VAV3: variants seen among roughly 807,000 people sequenced by gnomAD.
The protein encoded by VAV3 is guanine nucleotide exchange factor VAV3.
VAV3 carries 94 observed loss-of-function variants against 131.2 expected under a neutral mutation model. That is an observed-to-expected ratio of 0.72 (90% CI 0.61 to 0.85). The LOEUF is 0.85. Ranked by LOEUF, VAV3 falls within the 40% of genes least tolerant of loss-of-function variation. The pLI, the probability that VAV3 is intolerant of heterozygous loss-of-function variation, is 0.00. For synonymous variants in VAV3, 349 were observed against 342.0 expected (o/e 1.02, Z -0.22); for missense variants, 939 against 1,002.7 (o/e 0.94, Z 0.86).
chr1:107,664,122 T>A (rs550150580), intron 19 of VAV3, among the ~76,000 whole-genome samples: 1 of 152,330 alleles, frequency 6.6e-6, no homozygotes, highest in African/African-American at 2.4e-5. Flanking sequence ...CATTAGCTAT[T>A]ACATAATGTT....
intron 15 of VAV3, among the ~76,000 whole-genome samples, chr1:107,725,144 C>T (rs1364806164): frequency 2.0e-5 from 3 of 152,052 alleles, no homozygotes; most frequent in Non-Finnish European, 2.9e-5. Context: ...AGGGGCATGT[C>T]GGTTTAGAGA....
intron 26 of VAV3, among the ~76,000 whole-genome samples, chr1:107,573,822 C>T (rs1201691601): frequency 2.6e-5 from 4 of 152,208 alleles, no homozygotes; most frequent in Admixed American, 2.6e-4. Context: ...AGCTGTCCCA[C>T]TTGCCCAGGT....
At position 107,768,427 on chromosome 1, in the gene VAV3, A is replaced by G. The variant is rs781217511; in HGVS notation, c.717+14T>C. On this transcript the variant is annotated intron_variant, in intron 7 of 26. Transcript: ENST00000370056. Reference sequence around the variant, plus strand: ...GAAGTACACCACAATTTTAGCTAGCATATTTTTACTCACAGGAATGTTGAT... The same window carrying G: ...GAAGTACACCACAATTTTAGCTAGCGTATTTTTACTCACAGGAATGTTGAT... 6.2e-7 allele frequency: 1 copy of G among 1,605,978 alleles called. No individual in the cohort carries two copies. Among genetic ancestry groups the G allele is most frequent in the Non-Finnish European group, 8.5e-7 (1 of 1,174,854 alleles).
chr1:107,728,588 T>TGTATATGTATACGTATACGTATAC (rs1661996972), intron 15 of VAV3, among the ~76,000 whole-genome samples: 1 of 115,976 alleles, frequency 8.6e-6, no homozygotes, highest in Admixed American at 8.7e-5. Context: ...GACAGTCATA[T>TGTATATGTATACGTATACGTATAC]GTATACGTAT....
chr1:107,900,234 A>G (rs1263114879), intron 1 of VAV3, among the ~76,000 whole-genome samples: 1 of 152,196 alleles, frequency 6.6e-6, no homozygotes, highest in African/African-American at 2.4e-5. Context: ...TTAACAGGAT[A>G]TGAGAAGTGA....
chr1:107,909,188 T>C (rs1405085663), intron 1 of VAV3, among the ~76,000 whole-genome samples: 3 of 152,222 alleles, frequency 2.0e-5, no homozygotes, highest in South Asian at 2.1e-4. Context: ...GGTTATACTA[T>C]CTTGTTCATT....
chr1:107,608,437 A>G (rs529044213), intron 22 of VAV3, among the ~76,000 whole-genome samples: 1 of 152,330 alleles, frequency 6.6e-6, no homozygotes, highest in South Asian at 2.1e-4. Flanking sequence ...TTGATTATCA[A>G]TGCTATCAGC....
intron 2 of VAV3, among the ~76,000 whole-genome samples, chr1:107,817,392 C>T (rs1443031956): frequency 3.3e-5 from 5 of 151,826 alleles, no homozygotes; most frequent in African/African-American, 7.3e-5. Flanking sequence ...AATCATCAAC[C>T]ACAGCAAGGC....
chr1:107,826,517 T>G (rs1294675913), intron 2 of VAV3, among the ~76,000 whole-genome samples: 1 of 152,212 alleles, frequency 6.6e-6, no homozygotes, highest in African/African-American at 2.4e-5. Flanking sequence ...AAGTGTCGTT[T>G]TTGGAAAAAA....
chr1:107,749,620 AT>A, intron 13 of VAV3, 26 bp from the exon 14 acceptor site: 1 of 1,605,028 alleles, frequency 6.2e-7, no homozygotes, highest in East Asian at 2.2e-5. Context: ...TGATTGATTG[AT>A]TTTAAATGGT....
At chr1:107,867,744 G>C (rs540168025) in intron 2 of VAV3, among the ~76,000 whole-genome samples, 3 of 152,256 alleles carry the variant, frequency 2.0e-5, no homozygotes, top group African/African-American at 7.2e-5. Flanking sequence ...GGCTGAGCCA[G>C]CTCTAGGCTG....
intron 20 of VAV3, among the ~76,000 whole-genome samples, chr1:107,622,422 T>C (rs1405425852): frequency 6.6e-6 from 1 of 152,104 alleles, no homozygotes; most frequent in Non-Finnish European, 1.5e-5. Flanking sequence ...ACAAAACATA[T>C]CTTCTGAAAA....
intron 1 of VAV3, among the ~76,000 whole-genome samples, chr1:107,878,953 TC>T (rs1231261010): frequency 6.6e-6 from 1 of 152,166 alleles, no homozygotes; most frequent in Non-Finnish European, 1.5e-5. Flanking sequence ...ACGCTAGTAT[TC>T]TTTTGTCAAA....
chr1:107,955,309 C>G (rs1674753721), intron 1 of VAV3, among the ~76,000 whole-genome samples: 1 of 148,414 alleles, frequency 6.7e-6, no homozygotes, highest in South Asian at 2.1e-4. Context: ...ACAGTCAGTG[C>G]TGGCTATGTT....
intron 15 of VAV3, among the ~76,000 whole-genome samples, chr1:107,717,762 T>C (rs1661205192): frequency 6.6e-6 from 1 of 152,234 alleles, no homozygotes; most frequent in Non-Finnish European, 1.5e-5. Flanking sequence ...GTCGGCTTAG[T>C]GCATTGCTGA....
intron 17 of VAV3, among the ~76,000 whole-genome samples, chr1:107,700,988 C>G (rs947269747): frequency 6.6e-6 from 1 of 152,112 alleles, no homozygotes; most frequent in African/African-American, 2.4e-5. Flanking sequence ...TTAATAATTG[C>G]CATTCTGAAT....
intron 1 of VAV3, among the ~76,000 whole-genome samples, chr1:107,916,948 AG>A (rs1309299798): frequency 6.6e-6 from 1 of 152,162 alleles, no homozygotes; most frequent in African/African-American, 2.4e-5. Context: ...AGACAAGTTG[AG>A]GGGATGTAAA....
intron 1 of VAV3, among the ~76,000 whole-genome samples, chr1:107,930,652 A>G (rs1272363798): frequency 6.6e-6 from 1 of 152,192 alleles, no homozygotes; most frequent in South Asian, 2.1e-4. Context: ...ACCATTTTGC[A>G]AGTCCTAAAA....
rs1447121827 is a variant in VAV3, at chr1:107,574,111, T to A, written c.2438A>T (p.Asp813Val). The A allele has an allele frequency of 1.2e-6, 2 of 1,613,958 alleles. No homozygotes were observed. The highest frequency in any genetic ancestry group is 1.7e-6 in the Non-Finnish European group (2 of 1,180,004). ...DMRELSLLKG[D>V]VVKIYTKMSA... The stretch of plus-strand genomic sequence containing the variant: ...CATCTTTGTGTAAATCTTCACCACA[T>A]CTCCTTTCAACAAGGACAACTCTCT... The change falls in exon 26 of 27, where the codon GAT (aspartate) becomes GTT (valine). Residue 813 changes from aspartate to valine, a missense_variant. Coordinates refer to ENST00000370056, the MANE Select transcript of VAV3 (RefSeq NM_006113.5).
Sources: allele counts gnomAD v4.1 joint callset (sites outside exome capture counted in the v4.1 genomes callset), GRCh38; gene constraint gnomAD v4.1.1; transcripts MANE v1.5; gene names NCBI Gene and HGNC (gene_info 2026-07-23, HGNC 2026-07-21).